Variants in PPM1E observed in about 807,000 individuals in gnomAD.
PPM1E encodes protein phosphatase, Mg2+/Mn2+ dependent 1E.
PPM1E carries 20 observed loss-of-function variants against 65.9 expected under a neutral mutation model. The observed-to-expected ratio is 0.30, with a 90% CI of 0.21 to 0.44. The LOEUF (loss-of-function observed/expected upper bound fraction) is 0.44. PPM1E is among the 20% of genes least tolerant of loss of function. PPM1E has a pLI of 1.00. For missense variants in PPM1E, 713 were observed against 953.1 expected (o/e 0.75, Z 3.32); for synonymous variants, 352 against 374.9 (o/e 0.94, Z 0.70).
intron 1 of PPM1E, among the ~76,000 whole-genome samples, chr17:58,848,791 A>G (rs1473718712): frequency 6.6e-6 from 1 of 152,368 alleles, no homozygotes; most frequent in South Asian, 2.1e-4. Flanking sequence ...GCCTCATAAA[A>G]TGAATTAGGG....
chr17:58,842,114 C>G (rs1350303715), intron 1 of PPM1E, among the ~76,000 whole-genome samples: 2 of 152,106 alleles, frequency 1.3e-5, no homozygotes, highest in African/African-American at 2.4e-5. Context: ...AGTACTGGGA[C>G]TACAGGCATG....
In PPM1E at chr17:58,968,130, CGTCCTTCAT is replaced by C. The variant is rs762013958; in HGVS notation, c.784-1405_784-1397del. On this transcript the variant is annotated intron_variant, in intron 3 of 6. Transcript: ENST00000308249. ...ATTATTTCTAGAGAGTTGTTTAATC[CGTCCTTCAT>C]GTCATTAAAGTTGCTGAAAGAACTA... Among the ~76,000 whole-genome samples the C allele has an allele frequency of 3.4e-4, 52 of 152,052 alleles. 1 individual carries two copies. The highest frequency in any genetic ancestry group is 1.3e-4 in the Non-Finnish European group (9 of 68,014).
chr17:58,847,089 T>G (rs2050779277), intron 1 of PPM1E, among the ~76,000 whole-genome samples: 1 of 152,248 alleles, frequency 6.6e-6, no homozygotes. Flanking sequence ...TGTCTGTTCA[T>G]ATCCTTTGCC....
At chr17:58,799,779 C>T (rs1034938418) in intron 1 of PPM1E, among the ~76,000 whole-genome samples, 3 of 151,980 alleles carry the variant, frequency 2.0e-5, no homozygotes, top group Non-Finnish European at 4.4e-5. Context: ...GGGGTTTCAC[C>T]ATGTTGTTCA....
At chr17:58,958,505 C>A (rs553312503) in intron 2 of PPM1E, among the ~76,000 whole-genome samples, 2 of 151,870 alleles carry the variant, frequency 1.3e-5, no homozygotes, top group South Asian at 2.1e-4. Context: ...AGCCACTAAG[C>A]CCAGCCTACT....
chr17:58,887,223 G>C (rs2051279230), intron 1 of PPM1E, among the ~76,000 whole-genome samples: 1 of 137,258 alleles, frequency 7.3e-6, no homozygotes, highest in Non-Finnish European at 1.5e-5. Flanking sequence ...GGAGTGCAGT[G>C]GTGCAATCTT....
chr17:58,850,824 G>A (rs1230446541), intron 1 of PPM1E, among the ~76,000 whole-genome samples: 1 of 152,164 alleles, frequency 6.6e-6, no homozygotes, highest in African/African-American at 2.4e-5. Flanking sequence ...ATGTTGGCCT[G>A]CCTTGCTACG....
chr17:58,909,918 C>CTT (rs1028608937), intron 1 of PPM1E, among the ~76,000 whole-genome samples: 3 of 100,108 alleles, frequency 3.0e-5, no homozygotes, highest in Admixed American at 1.0e-4. Context: ...TTTCTTTTTT[C>CTT]TTTTTCTTTT....
At chr17:58,774,816 A>G (rs1358878056) in intron 1 of PPM1E, among the ~76,000 whole-genome samples, 1 of 151,894 alleles carries the variant, frequency 6.6e-6, no homozygotes, top group African/African-American at 2.4e-5. Context: ...GACTAAGATA[A>G]GCTATAGCAA....
intron 1 of PPM1E, among the ~76,000 whole-genome samples, chr17:58,805,899 A>G (rs976323754): frequency 1.2e-4 from 17 of 143,794 alleles, no homozygotes; most frequent in African/African-American, 3.6e-4. Context: ...TTCAATATGG[A>G]TCCAGACCAG....
chr17:58,966,352 TAA>T (rs763553438), intron 3 of PPM1E: 278 of 237,486 alleles, frequency 1.2e-3, no homozygotes, highest in South Asian at 2.3e-3. Flanking sequence ...GACTGTCTCT[TAA>T]AAAAAAAAAA....
intron 2 of PPM1E, among the ~76,000 whole-genome samples, chr17:58,961,712 G>A (rs934766728): frequency 1.3e-5 from 2 of 152,132 alleles, no homozygotes; most frequent in African/African-American, 4.8e-5. Context: ...TACCTGTGTT[G>A]CCCTATGTGG....
intron 1 of PPM1E, among the ~76,000 whole-genome samples, chr17:58,864,276 A>G (rs149658496): frequency 9.9e-5 from 15 of 152,278 alleles, no homozygotes; most frequent in African/African-American, 3.6e-4. Context: ...AACTAATGCT[A>G]TTAACTCTGC....
chr17:58,954,149 C>T (rs926509463), intron 1 of PPM1E, among the ~76,000 whole-genome samples: 7 of 152,210 alleles, frequency 4.6e-5, no homozygotes, highest in African/African-American at 1.7e-4. Flanking sequence ...GCAGGTGATT[C>T]TACTATTCAC....
chr17:58,813,172 C>T (rs1598586815), intron 1 of PPM1E, among the ~76,000 whole-genome samples: 1 of 152,154 alleles, frequency 6.6e-6, no homozygotes, highest in African/African-American at 2.4e-5. Context: ...TTATGGCAGG[C>T]ACTGTCTTCT....
chr17:58,905,131 A>G (rs967035542), intron 1 of PPM1E, among the ~76,000 whole-genome samples: 2 of 152,184 alleles, frequency 1.3e-5, no homozygotes, highest in African/African-American at 4.8e-5. Context: ...GATTTTCTAC[A>G]TAGTTATGTT....
At chr17:58,899,893 G>T (rs753395868) in intron 1 of PPM1E, among the ~76,000 whole-genome samples, 7 of 151,906 alleles carry the variant, frequency 4.6e-5, no homozygotes, top group African/African-American at 1.7e-4. Flanking sequence ...AAAAGAGAGA[G>T]AATTAATAGT....
chr17:58,766,446 C>G (rs764128601), intron 1 of PPM1E, among the ~76,000 whole-genome samples: 3 of 151,604 alleles, frequency 2.0e-5, no homozygotes, highest in African/African-American at 7.3e-5. Context: ...ATGTTCTGTC[C>G]GCCTCAGCCT....
At chr17:58,881,568 C>T (rs1361943444) in intron 1 of PPM1E, among the ~76,000 whole-genome samples, 3 of 151,832 alleles carry the variant, frequency 2.0e-5, no homozygotes, top group Non-Finnish European at 4.4e-5. Flanking sequence ...GAGGCTGAGG[C>T]AGAAAATTGC....
Sources: gnomAD v4.1 joint callset for allele counts (sites outside exome capture counted in the v4.1 genomes callset) on GRCh38, gnomAD v4.1.1 for gene constraint, MANE v1.5 for transcripts, NCBI Gene and HGNC (gene_info 2026-07-23, HGNC 2026-07-21) for gene names.